Variants in PHACTR1 observed in about 807,000 individuals in gnomAD.
PHACTR1 encodes the protein phosphatase and actin regulator 1, also known as RPEL repeat containing 1.
A neutral mutation model predicts 69.2 loss-of-function variants in PHACTR1; 16 were observed. The observed-to-expected ratio is 0.23, with a 90% CI of 0.16 to 0.35. The LOEUF is 0.35. Ranked by LOEUF, PHACTR1 falls within the 10% of genes least tolerant of loss-of-function variation. The pLI is 1.00. For missense variants in PHACTR1, 510 were observed against 734.7 expected (o/e 0.69, Z 3.54); for synonymous variants, 312 against 284.5 (o/e 1.10, Z -0.97).
chr6:13,088,720 A>G (rs1812718971), intron 5 of PHACTR1, among the ~76,000 whole-genome samples: 1 of 152,104 alleles, frequency 6.6e-6, no homozygotes, highest in Non-Finnish European at 1.5e-5. Context: ...TTTGATTCTC[A>G]GCCTTTTGGA....
In PHACTR1 at chr6:13,243,794, T is replaced by G. The variant is rs901383034; in HGVS notation, c.1391+13601T>G. Reference sequence around the variant, plus strand: ...GCCCCAGTGCCTGTTGCTTCCTTTTTTGTGTCTTTGTGTACTCAGTGTTTA... The same window carrying G: ...GCCCCAGTGCCTGTTGCTTCCTTTTGTGTGTCTTTGTGTACTCAGTGTTTA... On this transcript the variant is annotated intron_variant, in intron 10 of 14. Coordinates refer to ENST00000332995, the MANE Select transcript of PHACTR1 (RefSeq NM_030948.6). Among the ~76,000 whole-genome samples the G allele has an allele frequency of 2.0e-5, 3 of 152,168 alleles. No homozygotes were observed. The South Asian group carries it at 6.2e-4, about 32-fold the overall frequency.
At chr6:13,080,250 C>T (rs1811163809) in intron 5 of PHACTR1, among the ~76,000 whole-genome samples, 1 of 152,080 alleles carries the variant, frequency 6.6e-6, no homozygotes, top group Admixed American at 6.6e-5. Flanking sequence ...TCTTTAGGAG[C>T]CTTTAAAAAA....
intron 4 of PHACTR1, among the ~76,000 whole-genome samples, chr6:12,910,467 A>G (rs998087457): frequency 1.3e-5 from 2 of 152,198 alleles, no homozygotes; most frequent in African/African-American, 4.8e-5. Flanking sequence ...GGAAAAGAAA[A>G]TCTGCTTGAT....
chr6:12,724,658 G>A (rs1313976269), intron 3 of PHACTR1, among the ~76,000 whole-genome samples: 1 of 152,160 alleles, frequency 6.6e-6, no homozygotes, highest in African/African-American at 2.4e-5. Flanking sequence ...GATCAGCAAA[G>A]GTAACTTCCC....
intron 4 of PHACTR1, among the ~76,000 whole-genome samples, chr6:12,941,371 G>T (rs1157565093): frequency 6.6e-6 from 1 of 151,924 alleles, no homozygotes; most frequent in African/African-American, 2.4e-5. Flanking sequence ...ATTTGTTATG[G>T]CATAAATCAC....
intron 4 of PHACTR1, among the ~76,000 whole-genome samples, chr6:12,898,639 A>G (rs549144587): frequency 5.3e-5 from 8 of 152,276 alleles, no homozygotes; most frequent in Non-Finnish European, 8.8e-5. Context: ...CACTGGGACC[A>G]CCTTGGCCAG....
At chr6:12,947,341 CTTTT>C (rs35334406) in intron 4 of PHACTR1, among the ~76,000 whole-genome samples, 1 of 142,396 alleles carries the variant, frequency 7.0e-6, no homozygotes, top group Admixed American at 7.0e-5. Context: ...AACTATTCTG[CTTTT>C]TTTTTTTTTT....
intron 4 of PHACTR1, among the ~76,000 whole-genome samples, chr6:12,886,757 C>A (rs1399009869): frequency 6.6e-6 from 1 of 152,052 alleles, no homozygotes; most frequent in African/African-American, 2.4e-5. Context: ...GGGAGAAGTG[C>A]TCTTTCGTTT....
chr6:13,154,528 A>C (rs1280370056), intron 5 of PHACTR1, among the ~76,000 whole-genome samples: 2 of 152,160 alleles, frequency 1.3e-5, no homozygotes, highest in African/African-American at 4.8e-5. Context: ...TCTTGTTTTA[A>C]AATAAGTCCT....
chr6:12,941,865 A>G (rs1393492975), intron 4 of PHACTR1, among the ~76,000 whole-genome samples: 1 of 152,204 alleles, frequency 6.6e-6, no homozygotes, highest in Non-Finnish European at 1.5e-5. Context: ...AGGTCATTAT[A>G]TGGGGCTTGC....
intron 10 of PHACTR1, among the ~76,000 whole-genome samples, chr6:13,256,481 CAA>C (rs1775215741): frequency 6.6e-6 from 1 of 152,246 alleles, no homozygotes; most frequent in Non-Finnish European, 1.5e-5. Flanking sequence ...GGCCAGGCTG[CAA>C]AGTTTCCACT....
intron 5 of PHACTR1, among the ~76,000 whole-genome samples, chr6:13,074,042 T>A (rs549098494): frequency 6.6e-6 from 1 of 152,160 alleles, no homozygotes; most frequent in East Asian, 1.9e-4. Flanking sequence ...CTGGCTAATT[T>A]TTGTATTTTT....
At chr6:12,838,834 T>C (rs1778419601) in intron 4 of PHACTR1, among the ~76,000 whole-genome samples, 1 of 152,204 alleles carries the variant, frequency 6.6e-6, no homozygotes, top group Non-Finnish European at 1.5e-5. Flanking sequence ...TGAGTCAGCC[T>C]GGGCAGTTTG....
rs1054515316 is a variant in PHACTR1 at position 13,251,405 on chromosome 6, G to A, written c.1391+21212G>A. 2.8e-4 allele frequency among the ~76,000 whole-genome samples: 42 copies of A among 152,298 alleles called. No individual in the cohort carries two copies. In the Middle Eastern group the frequency reaches 0.01, roughly 37 times the overall value. The stretch of plus-strand genomic sequence containing the variant: ...GGTCACGGGTGCAGGGCTGCAAATA[G>A]GATCTGTCCAGGTTCTCACCGGCCT... On this transcript the variant is annotated intron_variant, in intron 10 of 14. Coordinates refer to ENST00000332995, the MANE Select transcript of PHACTR1 (RefSeq NM_030948.6).
chr6:12,729,264 A>G (rs1405037194), intron 3 of PHACTR1, among the ~76,000 whole-genome samples: 1 of 152,240 alleles, frequency 6.6e-6, no homozygotes, highest in East Asian at 1.9e-4. Flanking sequence ...TTCCAAAAGT[A>G]TCCTCTGTAT....
At chr6:13,056,329 G>C (rs2127741809) in intron 5 of PHACTR1, among the ~76,000 whole-genome samples, 2 of 152,316 alleles carry the variant, frequency 1.3e-5, no homozygotes, top group African/African-American at 4.8e-5. Flanking sequence ...GAACCCAGGA[G>C]TTTAAGACTT....
At chr6:13,150,099 C>T (rs1382804950) in intron 5 of PHACTR1, among the ~76,000 whole-genome samples, 1 of 152,148 alleles carries the variant, frequency 6.6e-6, no homozygotes, top group Non-Finnish European at 1.5e-5. Context: ...GTAATCCCAA[C>T]AGTTTGGAAG....
At chr6:12,887,108 A>G (rs780922636) in intron 4 of PHACTR1, among the ~76,000 whole-genome samples, 2 of 151,058 alleles carry the variant, frequency 1.3e-5, no homozygotes, top group African/African-American at 2.4e-5. Context: ...GTGCTGTTCC[A>G]CTCAGTTGGC....
At chr6:12,877,825 A>G (rs192511101) in intron 4 of PHACTR1, among the ~76,000 whole-genome samples, 130 of 152,292 alleles carry the variant, frequency 8.5e-4, no homozygotes, top group Non-Finnish European at 1.5e-3. Context: ...CCTTCATAAC[A>G]GCAATTTAGG....
Sources: allele counts gnomAD v4.1 joint callset (sites outside exome capture counted in the v4.1 genomes callset), GRCh38; gene constraint gnomAD v4.1.1; transcripts MANE v1.5; gene names NCBI Gene and HGNC (gene_info 2026-07-23, HGNC 2026-07-21).